The following KPNA1 variants were observed in gnomAD, a reference collection of about 807,000 sequenced individuals.
The protein encoded by KPNA1 is karyopherin subunit alpha 1, also known as importin subunit alpha-5.
A neutral mutation model predicts 70.5 loss-of-function variants in KPNA1; 10 were observed. The ratio of observed to expected loss-of-function variants is 0.14; its 90% CI spans 0.09 to 0.24. The LOEUF (loss-of-function observed/expected upper bound fraction) is 0.24, where lower values mean the gene tolerates loss of function less well. KPNA1 is among the 10% of genes least tolerant of loss of function. KPNA1 has a pLI of 1.00. For synonymous variants in KPNA1, 192 were observed against 221.9 expected (o/e 0.87, Z 1.20); for missense variants, 397 against 637.9 (o/e 0.62, Z 4.07).
At chr3:122,483,816 G>T (rs977352470) in intron 2 of KPNA1, among the ~76,000 whole-genome samples, 1 of 152,144 alleles carries the variant, frequency 6.6e-6, no homozygotes, top group African/African-American at 2.4e-5. Flanking sequence ...AGAAAATAGT[G>T]TGGGATACTG....
In KPNA1 at chr3:122,427,616, G is replaced by A; in HGVS notation, c.1351C>T (p.Leu451=). 6.2e-7 allele frequency: 1 copy of A among 1,614,084 alleles called. No individual in the cohort carries two copies. The highest frequency in any genetic ancestry group is 8.5e-7 in the Non-Finnish European group (1 of 1,179,986). The change falls in exon 13 of 14, where the codon CTG becomes TTG. Residue 451 remains leucine, a synonymous_variant. Transcript: ENST00000344337. ...QVALNGLENI[L]RLGEQEAKRN... ...TTGGCTTCCTGTTCTCCAAGCCTCA[G>A]GATATTTTCCAAGCCATTTAGGGCA...
At chr3:122,456,688 T>TTA (rs1553786570) in intron 5 of KPNA1, among the ~76,000 whole-genome samples, 3 of 151,700 alleles carry the variant, frequency 2.0e-5, no homozygotes, top group Non-Finnish European at 4.4e-5. Flanking sequence ...ATACAGATGG[T>TTA]AAAAAAAAGA....
intron 5 of KPNA1, chr3:122,457,727 T>G: frequency 7.8e-7 from 1 of 1,287,718 alleles, no homozygotes. Context: ...ACTTCTGACC[T>G]CCTATCAAGT....
chr3:122,444,150 C>G (rs1184767801), intron 9 of KPNA1, among the ~76,000 whole-genome samples: 1 of 147,500 alleles, frequency 6.8e-6, no homozygotes, highest in African/African-American at 2.4e-5. Context: ...TTCTCCTATT[C>G]GCTTTTGCAA....
intron 9 of KPNA1, among the ~76,000 whole-genome samples, chr3:122,448,836 T>C (rs989611203): frequency 6.6e-6 from 1 of 152,192 alleles, no homozygotes; most frequent in Non-Finnish European, 1.5e-5. Flanking sequence ...TTTTGAATGA[T>C]GTACTTCAGA....
rs1236373231 is a variant in KPNA1 at position 122,464,174 on chromosome 3, C to A, written c.238-133G>T. ...AGAAGTTACATAAAGGTAGGACAAT[C>A]TTTACATATAGAAACGTGTAAGATT... On this transcript the variant is annotated intron_variant, in intron 3 of 13. Coordinates refer to ENST00000344337, the MANE Select transcript of KPNA1 (RefSeq NM_002264.4). The A allele has an allele frequency of 8.9e-6, 4 of 448,056 alleles. No individual in the cohort carries two copies. The East Asian group carries it at 9.7e-5, about 11-fold the overall frequency. 27.8% of individuals were successfully genotyped at this position (448,056 alleles called of 1,614,324 possible).
intron 10 of KPNA1, among the ~76,000 whole-genome samples, chr3:122,441,438 A>T (rs183178668): frequency 7.2e-5 from 11 of 152,310 alleles, no homozygotes; most frequent in African/African-American, 2.4e-4. Flanking sequence ...AAAAGATGCT[A>T]CTAGAGGATT....
chr3:122,459,394 G>A (rs2076298026), intron 5 of KPNA1: 2 of 984,162 alleles, frequency 2.0e-6, no homozygotes, highest in East Asian at 1.1e-4. Flanking sequence ...CCCAGAGACA[G>A]GAAAGAAACA....
At chr3:122,477,436 A>T (rs2076515476) in intron 2 of KPNA1, among the ~76,000 whole-genome samples, 1 of 152,204 alleles carries the variant, frequency 6.6e-6, no homozygotes, top group Non-Finnish European at 1.5e-5. Flanking sequence ...ATGATGGCTC[A>T]CACCTGAAAT....
intron 2 of KPNA1, among the ~76,000 whole-genome samples, chr3:122,495,262 CAAA>C (rs748751423): frequency 2.3e-5 from 2 of 86,490 alleles, no homozygotes; most frequent in East Asian, 7.6e-4. Flanking sequence ...TCAAACAAAC[CAAA>C]AAAAAAAAAA....
At chr3:122,494,756 G>A (rs2076738220) in intron 2 of KPNA1, among the ~76,000 whole-genome samples, 2 of 152,066 alleles carry the variant, frequency 1.3e-5, no homozygotes, top group Non-Finnish European at 2.9e-5. Flanking sequence ...TTAATTACAT[G>A]AAATCAGTAG....
intron 5 of KPNA1, among the ~76,000 whole-genome samples, chr3:122,458,758 TTATTTGAAAGC>T (rs2076291553): frequency 6.6e-6 from 1 of 152,178 alleles, no homozygotes; most frequent in African/African-American, 2.4e-5. Context: ...GCATGTCTAA[TTATTTGAAAGC>T]ATGGTAGATC....
chr3:122,502,447 T>C (rs1559762670), intron 1 of KPNA1, among the ~76,000 whole-genome samples: 1 of 152,196 alleles, frequency 6.6e-6, no homozygotes, highest in Non-Finnish European at 1.5e-5. Context: ...AAAGGCTACA[T>C]AAGAAGACAA....
intron 5 of KPNA1, 138 bp downstream of exon 5, chr3:122,461,086 G>A (rs2076318907): frequency 3.9e-6 from 2 of 509,318 alleles, no homozygotes; most frequent in Non-Finnish European, 7.0e-6. Flanking sequence ...AAAGCAGCTT[G>A]CAATGTAGTT....
chr3:122,448,291 C>T (rs757433927), intron 9 of KPNA1, among the ~76,000 whole-genome samples: 9 of 152,210 alleles, frequency 5.9e-5, no homozygotes, highest in Non-Finnish European at 8.8e-5. Context: ...TACAAAGACA[C>T]ATCCATGTTT....
intron 1 of KPNA1, among the ~76,000 whole-genome samples, chr3:122,496,937 C>G (rs2076768891): frequency 1.3e-5 from 2 of 152,228 alleles, no homozygotes; most frequent in Admixed American, 6.5e-5. Flanking sequence ...CTCCTAGCTT[C>G]AAGTGATCCC....
At chr3:122,429,057 T>C (rs918043411) in intron 12 of KPNA1, among the ~76,000 whole-genome samples, 46 of 152,116 alleles carry the variant, frequency 3.0e-4, no homozygotes, top group Non-Finnish European at 4.4e-5. Flanking sequence ...GCCAGGCTGA[T>C]CCGTCATTTT....
intron 5 of KPNA1, chr3:122,457,960 G>C (rs780238779): frequency 3.0e-5 from 27 of 896,024 alleles, no homozygotes; most frequent in Non-Finnish European, 3.9e-5. Context: ...AAGGCAGAGA[G>C]ATCAATGAAG....
At chr3:122,443,980 GC>G (rs1398853527) in intron 9 of KPNA1, among the ~76,000 whole-genome samples, 1 of 152,166 alleles carries the variant, frequency 6.6e-6, no homozygotes, top group African/African-American at 2.4e-5. Flanking sequence ...CCTAATCCTA[GC>G]AAGCCTGAGG....
Sources: allele counts gnomAD v4.1 joint callset (sites outside exome capture counted in the v4.1 genomes callset), GRCh38; gene constraint gnomAD v4.1.1; transcripts MANE v1.5; gene names NCBI Gene and HGNC (gene_info 2026-07-23, HGNC 2026-07-21).